CSMD1: variants seen among roughly 807,000 people sequenced by gnomAD.
The protein encoded by CSMD1 is CUB and Sushi multiple domains 1.
A neutral mutation model predicts 417.5 loss-of-function variants in CSMD1; 213 were observed. The observed-to-expected ratio is 0.51, with a 90% confidence interval of 0.46 to 0.57. CSMD1 has a LOEUF of 0.57. Ranked by LOEUF, CSMD1 falls within the 20% of genes least tolerant of loss-of-function variation. The pLI is 0.00. For missense variants in CSMD1, 6,923 were observed against 4,529.7 expected (o/e 1.53, Z -15.17); for synonymous variants, 2,862 against 1,736.8 (o/e 1.65, Z -16.11).
At chr8:3,541,846 G>C (rs1798454171) in intron 10 of CSMD1, among the ~76,000 whole-genome samples, 2 of 151,880 alleles carry the variant, frequency 1.3e-5, no homozygotes, top group South Asian at 2.1e-4. Context: ...CCAACACTTT[G>C]ATGTTAGGAG....
At chr8:4,298,163 A>G (rs1053037643) in intron 3 of CSMD1, among the ~76,000 whole-genome samples, 1 of 152,192 alleles carries the variant, frequency 6.6e-6, no homozygotes, top group Non-Finnish European at 1.5e-5. Context: ...AAAGTTTAGA[A>G]AAACATAATT....
chr8:4,080,775 A>C (rs1800088224), intron 3 of CSMD1, among the ~76,000 whole-genome samples: 1 of 152,214 alleles, frequency 6.6e-6, no homozygotes, highest in South Asian at 2.1e-4. Flanking sequence ...GACTGGGCTA[A>C]ATTACCACAC....
chr8:4,838,094 T>TAAAA (rs1800609211), intron 1 of CSMD1, among the ~76,000 whole-genome samples: 1 of 152,020 alleles, frequency 6.6e-6, no homozygotes, highest in Non-Finnish European at 1.5e-5. Flanking sequence ...GTAATAAAAA[T>TAAAA]TAGTGAGAAT....
chr8:4,810,929 G>A (rs770480735), intron 1 of CSMD1, among the ~76,000 whole-genome samples: 1 of 152,116 alleles, frequency 6.6e-6, no homozygotes, highest in Non-Finnish European at 1.5e-5. Flanking sequence ...TGAAATATGA[G>A]ATTAAAGAAT....
At chr8:3,138,339 T>A (rs1026897747) in intron 41 of CSMD1, among the ~76,000 whole-genome samples, 3 of 152,206 alleles carry the variant, frequency 2.0e-5, no homozygotes, top group Admixed American at 2.0e-4. Context: ...GGGATCCAGA[T>A]GACTGAGTGG....
At chr8:3,535,736 A>G (rs1304449630) in intron 10 of CSMD1, among the ~76,000 whole-genome samples, 1 of 152,222 alleles carries the variant, frequency 6.6e-6, no homozygotes, top group African/African-American at 2.4e-5. Flanking sequence ...ACTTGATTTT[A>G]ACCTTCAATT....
At chr8:4,795,761 C>A (rs552720913) in intron 1 of CSMD1, among the ~76,000 whole-genome samples, 1 of 152,194 alleles carries the variant, frequency 6.6e-6, no homozygotes, top group South Asian at 2.1e-4. Context: ...TACCTCCGTA[C>A]CTGTGCACGC....
At position 4,324,264 on chromosome 8, in the gene CSMD1, C is replaced by A. The variant is rs79512619; in HGVS notation, c.415+95689G>T. On this transcript the variant is annotated intron_variant, in intron 3 of 69. Coordinates refer to ENST00000635120, the MANE Select transcript of CSMD1 (RefSeq NM_033225.6). ...ACACCAAGAATGTGAGTTCTGAGACCTTTTCCTCTTCCTCATCACTAACTG... is the reference window on the plus strand; with the variant it reads ...ACACCAAGAATGTGAGTTCTGAGACATTTTCCTCTTCCTCATCACTAACTG... Among the ~76,000 whole-genome samples the A allele has an allele frequency of 2.0e-3, 298 of 152,306 alleles. 1 individual carries two copies. The highest frequency in any genetic ancestry group is 3.6e-3 in the Non-Finnish European group (245 of 68,022).
chr8:3,054,348 T>C (rs924857121), intron 49 of CSMD1, among the ~76,000 whole-genome samples: 3 of 152,234 alleles, frequency 2.0e-5, no homozygotes, highest in Non-Finnish European at 4.4e-5. Context: ...CCGGGCACAG[T>C]GGCTCATGCC....
At chr8:3,775,835 C>T (rs926646344) in intron 5 of CSMD1, among the ~76,000 whole-genome samples, 1 of 152,180 alleles carries the variant, frequency 6.6e-6, no homozygotes, top group Admixed American at 6.5e-5. Context: ...TCCGCCAACG[C>T]GCAGGGTTGT....
At chr8:3,108,116 T>C (rs944069246) in intron 44 of CSMD1, among the ~76,000 whole-genome samples, 10 of 152,216 alleles carry the variant, frequency 6.6e-5, no homozygotes, top group South Asian at 2.1e-4. Context: ...TCCCTGTCCA[T>C]GTGCAGATTT....
intron 26 of CSMD1, among the ~76,000 whole-genome samples, chr8:3,235,152 T>A (rs951060219): frequency 2.6e-5 from 4 of 152,220 alleles, no homozygotes; most frequent in Non-Finnish European, 5.9e-5. Context: ...ATAGTCACTG[T>A]AAATATCGCA....
chr8:3,607,149 T>C (rs116441161), intron 8 of CSMD1, among the ~76,000 whole-genome samples: 2,776 of 152,334 alleles, frequency 0.018, 82 homozygotes, highest in African/African-American at 0.063. Context: ...CTTTTTACTT[T>C]CTAAACCTTT....
At chr8:2,979,420 T>C (rs570733775) in intron 54 of CSMD1, among the ~76,000 whole-genome samples, 59 of 152,370 alleles carry the variant, frequency 3.9e-4, no homozygotes, top group Non-Finnish European at 6.3e-4. Context: ...GTGGTTCCTC[T>C]GAAAGGCATT....
At chr8:4,077,003 T>C (rs1185659816) in intron 3 of CSMD1, among the ~76,000 whole-genome samples, 1 of 152,154 alleles carries the variant, frequency 6.6e-6, no homozygotes, top group Non-Finnish European at 1.5e-5. Context: ...TTCCAGCTAA[T>C]AGTAAGAAAA....
chr8:3,159,400 G>C (rs1345009077), intron 38 of CSMD1, among the ~76,000 whole-genome samples: 1 of 152,166 alleles, frequency 6.6e-6, no homozygotes, highest in Non-Finnish European at 1.5e-5. Context: ...AAAACAAGTT[G>C]AGAGAAGATG....
chr8:4,495,927 A>G (rs896914166), intron 2 of CSMD1, among the ~76,000 whole-genome samples: 4 of 152,206 alleles, frequency 2.6e-5, no homozygotes, highest in Non-Finnish European at 5.9e-5. Context: ...GATAAATTCT[A>G]TATGGCAAAT....
At chr8:2,983,543 A>G (rs1805605062) in intron 54 of CSMD1, among the ~76,000 whole-genome samples, 1 of 152,166 alleles carries the variant, frequency 6.6e-6, no homozygotes, top group African/African-American at 2.4e-5. Flanking sequence ...TTACTTAACG[A>G]TAATTATAGA....
chr8:4,711,384 C>A (rs1330320302), intron 1 of CSMD1, among the ~76,000 whole-genome samples: 1 of 151,986 alleles, frequency 6.6e-6, no homozygotes, highest in African/African-American at 2.4e-5. Context: ...TGTTAAATTG[C>A]ATAGTTTTCG....
Sources: gnomAD v4.1 joint callset for allele counts (sites outside exome capture counted in the v4.1 genomes callset) on GRCh38, gnomAD v4.1.1 for gene constraint, MANE v1.5 for transcripts, NCBI Gene and HGNC (gene_info 2026-07-23, HGNC 2026-07-21) for gene names.